DRC7: variants seen among roughly 807,000 people sequenced by gnomAD.
DRC7 encodes the protein coiled-coil domain containing 135.
Under a neutral mutation model 104.4 loss-of-function variants are expected in DRC7, and 80 were observed. The observed-to-expected ratio is 0.77, with a 90% CI of 0.64 to 0.92. The LOEUF is 0.92. Among genes scored for constraint, DRC7 ranks in the 40% least tolerant of loss-of-function variants. The probability of loss-of-function intolerance (pLI) is 0.00; values close to 1 mark genes in which losing one functional copy is unlikely to be tolerated. For synonymous variants in DRC7, 405 were observed against 447.3 expected (o/e 0.91, Z 1.19); for missense variants, 1,034 against 1,141.1 (o/e 0.91, Z 1.35).
In DRC7 at chr16:57,702,150, G is replaced by C. The variant is rs761849410; in HGVS notation, c.699+20G>C. The C allele has an allele frequency of 7.4e-6, 12 of 1,611,476 alleles. No homozygotes were observed. In the South Asian group the frequency reaches 1.3e-4, roughly 18 times the overall value. ...AAGGAGGTATGGTCGGGCTTGAGCT[G>C]CCCGGGTTTCCCAAAGGATGAACAT... is the stretch of plus-strand genomic sequence containing the variant. On this transcript the variant is annotated intron_variant, in intron 6 of 18. Transcript: ENST00000360716.
At chr16:57,716,804 A>G (rs2048848371) in intron 8 of DRC7, among the ~76,000 whole-genome samples, 1 of 152,090 alleles carries the variant, frequency 6.6e-6, no homozygotes, top group Non-Finnish European at 1.5e-5. Flanking sequence ...CCTCTGGAAC[A>G]TGATTTAGGG....
intron 7 of DRC7, 71 bp from the exon 8 acceptor site, chr16:57,707,389 G>C (rs1308678559): frequency 7.7e-6 from 11 of 1,426,100 alleles, no homozygotes; most frequent in Non-Finnish European, 9.6e-6. Flanking sequence ...CCCAGCCCCA[G>C]GGAGATGTCT....
In DRC7 at chr16:57,724,684, A is replaced by T; in HGVS notation, c.1607A>T (p.Asp536Val). The change falls in exon 13 of 19, where the codon GAT becomes GTT. Residue 536 changes from aspartate (D) to valine (V), a missense_variant. Physicochemically the swap from Asp to Val is radical, Grantham distance 152. Coordinates refer to ENST00000360716, the MANE Select transcript of DRC7 (RefSeq NM_001289162.2). ...VIEFYETARVDGLMKREETPR... is the reference protein window; with the variant it reads ...VIEFYETARVVGLMKREETPR... ...GAGTTTTATGAAACGGCCCGTGTGG[A>T]TGGCCTGATGAAGCGGGAGGAGACA... 1.9e-6 allele frequency: 3 copies of T among 1,613,912 alleles called. No homozygotes were observed. Among genetic ancestry groups the T allele is most frequent in the Non-Finnish European group, 2.5e-6 (3 of 1,179,980 alleles).
intron 9 of DRC7, among the ~76,000 whole-genome samples, chr16:57,719,119 A>G (rs2048876728): frequency 6.6e-6 from 1 of 151,954 alleles, no homozygotes; most frequent in Non-Finnish European, 1.5e-5. Flanking sequence ...TGAGCCCCAC[A>G]TGCTGCCAGG....
chr16:57,702,526 C>T (rs909164289), intron 6 of DRC7, among the ~76,000 whole-genome samples: 1 of 152,178 alleles, frequency 6.6e-6, no homozygotes, highest in Non-Finnish European at 1.5e-5. Flanking sequence ...AGGCCAGGTG[C>T]GGTGGCTCAT....
chr16:57,704,979 A>G lies in DRC7; in HGVS notation c.803A>G (p.Gln268Arg). Residue 268 changes from glutamine (Q) to arginine (R), a missense_variant, in exon 7 of 19, where the codon CAG becomes CGG. Gln to Arg is a conservative substitution (Grantham distance 43). Transcript: ENST00000360716. ...CAGGAGCAAGAGGTGAAGAAGCAGC[A>G]GGAGATCAGAGCCCAGGAGAAGAAG... The part of the protein sequence containing the change: ...FEQEQEVKKQ[Q>R]EIRAQEKKRL... The G allele has an allele frequency of 6.2e-7, 1 of 1,613,594 alleles. No homozygotes were observed.
intron 4 of DRC7, 123 bp from the exon 5 acceptor site, chr16:57,700,022 G>C: frequency 8.6e-7 from 1 of 1,160,434 alleles, no homozygotes. Context: ...AGGTCATGTG[G>C]GCCTGGCCTC....
At chr16:57,708,308 A>G (rs1290702126) in intron 8 of DRC7, among the ~76,000 whole-genome samples, 2 of 152,174 alleles carry the variant, frequency 1.3e-5, no homozygotes, top group East Asian at 3.9e-4. Flanking sequence ...CTTGACTTCT[A>G]ACGACATCCA....
Position 57,705,098 on chromosome 16 carries a change from A to G in DRC7, c.858+64A>G, listed in dbSNP as rs1254654776. 2.6e-6 allele frequency: 4 copies of G among 1,547,474 alleles called. No homozygotes were observed. In the African/African-American group the frequency reaches 5.5e-5, roughly 21 times the overall value. ...GAGAAAGGACTGCTAGGGATGGGAA[A>G]AGAGGCATAGGTCATGGAGGGGATG... On this transcript the variant is annotated intron_variant, in intron 7 of 18. Coordinates refer to ENST00000360716, the MANE Select transcript of DRC7 (RefSeq NM_001289162.2).
chr16:57,718,107 C>T (rs1451481125), intron 8 of DRC7, among the ~76,000 whole-genome samples: 1 of 152,234 alleles, frequency 6.6e-6, no homozygotes, highest in Non-Finnish European at 1.5e-5. Context: ...GATTTCCTCA[C>T]AGGGAGGCTG....
chr16:57,697,808 C>G lies in DRC7; in HGVS notation c.-37-105C>G, dbSNP rs1314749797. On this transcript the variant is annotated intron_variant, in intron 2 of 18. Coordinates refer to ENST00000360716, the MANE Select transcript of DRC7 (RefSeq NM_001289162.2). ...GAATCACTCCCTATGTGTTCGACAC[C>G]TCCTCAAAACCATCTCCCAGGCCTC... is the stretch of plus-strand genomic sequence containing the variant. 3 of 1,294,562 alleles carry G rather than the reference C, an allele frequency of 2.3e-6. No homozygotes were observed. In the African/African-American group the frequency reaches 4.4e-5, roughly 19 times the overall value. The allele number at this position is 1,294,562 out of a possible 1,614,324, so 80.2% of individuals were successfully genotyped here. A position where few individuals can be genotyped will look rare whatever the true frequency, so the allele number is the denominator to read the frequency against.
intron 16 of DRC7, 22 bp from the exon 17 acceptor site, chr16:57,728,368 T>C (rs1306374121): frequency 7.7e-6 from 12 of 1,553,298 alleles, no homozygotes; most frequent in African/African-American, 1.4e-5. Flanking sequence ...CTGATCCAGC[T>C]ATCTGCCCCT....
At chr16:57,722,575 G>T (rs530722567) in intron 10 of DRC7, 138 bp from the exon 11 acceptor site, 76 of 1,178,556 alleles carry the variant, frequency 6.4e-5, no homozygotes, top group African/African-American at 2.3e-4. Flanking sequence ...TATTCTCCTC[G>T]GCCTCCCTGG....
At chr16:57,715,020 GT>G (rs1417989384) in intron 8 of DRC7, 10 of 262,640 alleles carry the variant, frequency 3.8e-5, no homozygotes, top group Non-Finnish European at 7.6e-5. Flanking sequence ...GGGAGACAAT[GT>G]TGATTTCTAT....
At chr16:57,729,862 G>GTGGA (rs1173988087) in intron 17 of DRC7, among the ~76,000 whole-genome samples, 17 of 135,940 alleles carry the variant, frequency 1.3e-4, no homozygotes, top group African/African-American at 4.4e-4. Context: ...GGATGGATGG[G>GTGGA]TGGATGGATG....
intron 12 of DRC7, among the ~76,000 whole-genome samples, chr16:57,723,908 G>C (rs2048934669): frequency 6.6e-6 from 1 of 151,976 alleles, no homozygotes. Flanking sequence ...TGAAAAAAAT[G>C]GTCCTACTGG....
Position 57,722,827 on chromosome 16 carries a change from A to G in DRC7, c.1394A>G (p.Tyr465Cys), listed in dbSNP as rs150899646. The G allele has an allele frequency of 2.5e-6, 4 of 1,613,656 alleles. No individual in the cohort carries two copies. The African/African-American group carries it at 5.3e-5, about 22-fold the overall frequency. The change falls in exon 11 of 19, where the codon TAT (tyrosine) becomes TGT (cysteine). Residue 465 changes from tyrosine (Y) to cysteine (C), a missense_variant. By Grantham distance (194) the Tyr-to-Cys change is radical. Coordinates refer to ENST00000360716, the MANE Select transcript of DRC7 (RefSeq NM_001289162.2). ...GGCCTTGTGAGCCGCCTCACCACCT[A>G]TGAGGACTTGCAGTGTAAGGGGGAT... is the stretch of plus-strand genomic sequence containing the variant. The part of the protein sequence containing the change: ...SNGLVSRLTT[Y>C]EDLQCTNILE...
In DRC7 at chr16:57,702,094, G is replaced by A. The variant is rs764853726; in HGVS notation, c.663G>A (p.Thr221=). 1.3e-5 allele frequency: 21 copies of A among 1,614,028 alleles called. No individual in the cohort carries two copies. Among genetic ancestry groups the A allele is most frequent in the South Asian group, 3.3e-5 (3 of 91,094 alleles). Residue 221 remains threonine, a synonymous_variant, in exon 6 of 19, where the codon ACG becomes ACA. Transcript: ENST00000360716. Reference sequence around the variant, plus strand: ...TGGACCTGTGCCACATGGACCTGACGCGGGAGGTGTGCCCACTCACTGTGA... The same window carrying A: ...TGGACCTGTGCCACATGGACCTGACACGGGAGGTGTGCCCACTCACTGTGA... ...GSLDLCHMDL[T]REVCPLTVKP...
intron 8 of DRC7, among the ~76,000 whole-genome samples, chr16:57,708,594 A>C (rs1194653176): frequency 6.6e-6 from 1 of 152,128 alleles, no homozygotes; most frequent in African/African-American, 2.4e-5. Context: ...GAACACATAC[A>C]CACATTTCTG....
Sources: gnomAD v4.1 joint callset for allele counts (sites outside exome capture counted in the v4.1 genomes callset) on GRCh38, gnomAD v4.1.1 for gene constraint, MANE v1.5 for transcripts, NCBI Gene and HGNC (gene_info 2026-07-23, HGNC 2026-07-21) for gene names.